CNTN5: variants seen among roughly 807,000 people sequenced by gnomAD.
The protein encoded by CNTN5 is contactin-5.
In CNTN5, 77 loss-of-function variants were observed where a neutral mutation model predicts 129.1. That is an observed-to-expected ratio of 0.60 (90% CI 0.50 to 0.72). The LOEUF (loss-of-function observed/expected upper bound fraction) is 0.72, where lower values mean the gene tolerates loss of function less well. Among genes scored for constraint, CNTN5 ranks in the 30% least tolerant of loss-of-function variants. The probability of loss-of-function intolerance (pLI) is 0.00; values close to 1 mark genes in which losing one functional copy is unlikely to be tolerated. For missense variants in CNTN5, 1,478 were observed against 1,328.8 expected (o/e 1.11, Z -1.75); for synonymous variants, 509 against 465.6 (o/e 1.09, Z -1.20).
At chr11:100,005,198 T>A (rs531612039) in intron 9 of CNTN5, among the ~76,000 whole-genome samples, 2 of 152,176 alleles carry the variant, frequency 1.3e-5, no homozygotes, top group Non-Finnish European at 2.9e-5. Context: ...TTCCATCTAC[T>A]TAATCCAATC....
intron 13 of CNTN5, among the ~76,000 whole-genome samples, chr11:100,149,078 T>C (rs909632765): frequency 6.6e-6 from 1 of 152,144 alleles, no homozygotes; most frequent in Non-Finnish European, 1.5e-5. Context: ...GTTAATAGAT[T>C]TTAGGAAGAT....
At chr11:99,220,641 A>T (rs1010864383) in intron 1 of CNTN5, among the ~76,000 whole-genome samples, 1 of 151,996 alleles carries the variant, frequency 6.6e-6, no homozygotes, top group Non-Finnish European at 1.5e-5. Flanking sequence ...TTTCCAGCTG[A>T]CACCAAAAGA....
chr11:99,983,145 A>G (rs952973488), intron 8 of CNTN5, among the ~76,000 whole-genome samples: 1 of 152,230 alleles, frequency 6.6e-6, no homozygotes, highest in Admixed American at 6.5e-5. Context: ...ATGTACTAAG[A>G]TAATGATTTG....
At chr11:99,044,291 C>T (rs921176499) in intron 1 of CNTN5, among the ~76,000 whole-genome samples, 1 of 152,072 alleles carries the variant, frequency 6.6e-6, no homozygotes, top group Non-Finnish European at 1.5e-5. Context: ...TGGTAACTAT[C>T]CCTTTATAAG....
chr11:100,235,534 G>A (rs1184320934), intron 16 of CNTN5, among the ~76,000 whole-genome samples: 2 of 152,008 alleles, frequency 1.3e-5, no homozygotes, highest in Non-Finnish European at 2.9e-5. Flanking sequence ...TGTAGAGCAG[G>A]GCCAAAGCAG....
At chr11:99,071,401 G>A (rs1307115183) in intron 1 of CNTN5, among the ~76,000 whole-genome samples, 1 of 151,892 alleles carries the variant, frequency 6.6e-6, no homozygotes, top group Non-Finnish European at 1.5e-5. Context: ...AATGTCAAAA[G>A]AGTCCACAAA....
chr11:100,350,949 G>T, intron 24 of CNTN5, 79 bp downstream of exon 24: 1 of 1,094,006 alleles, frequency 9.1e-7, no homozygotes. Flanking sequence ...AAATTGATGT[G>T]ATAGATTTCA....
intron 3 of CNTN5, among the ~76,000 whole-genome samples, chr11:99,694,078 T>A (rs1954154072): frequency 6.6e-6 from 1 of 151,840 alleles, no homozygotes; most frequent in South Asian, 2.1e-4. Flanking sequence ...CCATAAGTAC[T>A]TTGATGTTGT....
intron 2 of CNTN5, among the ~76,000 whole-genome samples, chr11:99,508,870 G>A (rs1354706693): frequency 1.3e-5 from 2 of 151,846 alleles, no homozygotes; most frequent in Non-Finnish European, 2.9e-5. Context: ...TAGTAGAGAC[G>A]GGGTTTCACC....
chr11:99,627,150 G>T (rs577470456), intron 3 of CNTN5, among the ~76,000 whole-genome samples: 77 of 152,130 alleles, frequency 5.1e-4, no homozygotes, highest in African/African-American at 1.8e-3. Flanking sequence ...AGCGAAAATT[G>T]TTGGTGCCCA....
rs397936738 is a variant in CNTN5 at position 99,727,312 on chromosome 11, CAAA to C, written c.56-92212_56-92210del. ...TGGGCGACAGAGCGAGACTCCGTCT[CAAA>C]AAAAAAAAAAAAAAAAAAATTCCAG... On this transcript the variant is annotated intron_variant, in intron 3 of 24. Coordinates refer to ENST00000524871, the MANE Select transcript of CNTN5 (RefSeq NM_014361.4). Among the ~76,000 whole-genome samples the C allele has an allele frequency of 1.9e-3, 46 of 24,298 alleles. 2 individuals carry two copies. The highest frequency in any genetic ancestry group is 6.5e-3 in the African/African-American group (42 of 6,430). The allele number at this position is 24,298 out of a possible 152,430, so 15.9% of individuals were successfully genotyped here. A position where few individuals can be genotyped will look rare whatever the true frequency, so the allele number is the denominator to read the frequency against.
intron 15 of CNTN5, among the ~76,000 whole-genome samples, chr11:100,203,752 T>C (rs745441204): frequency 3.9e-4 from 58 of 148,640 alleles, no homozygotes; most frequent in Non-Finnish European, 7.1e-4. Flanking sequence ...AAGCCGATTT[T>C]ATCATACTGC....
At chr11:99,505,903 C>G (rs1225870623) in intron 2 of CNTN5, among the ~76,000 whole-genome samples, 1 of 152,198 alleles carries the variant, frequency 6.6e-6, no homozygotes, top group African/African-American at 2.4e-5. Flanking sequence ...TGACACTCTT[C>G]AGGCCAAGGG....
At chr11:99,235,290 G>A (rs970401979) in intron 1 of CNTN5, among the ~76,000 whole-genome samples, 13 of 151,942 alleles carry the variant, frequency 8.6e-5, no homozygotes, top group African/African-American at 3.1e-4. Flanking sequence ...ATAAGGATAT[G>A]TCTTTATTTG....
chr11:99,968,500 C>T (rs1951155900), intron 8 of CNTN5, among the ~76,000 whole-genome samples: 1 of 151,876 alleles, frequency 6.6e-6, no homozygotes, highest in South Asian at 2.1e-4. Flanking sequence ...GGTAATTTGT[C>T]TGAGACAAAG....
At chr11:99,997,092 A>G (rs1939499950) in intron 8 of CNTN5, among the ~76,000 whole-genome samples, 2 of 152,200 alleles carry the variant, frequency 1.3e-5, no homozygotes, top group African/African-American at 4.8e-5. Context: ...AGTCCAGTTT[A>G]TCATTTTTGA....
intron 3 of CNTN5, among the ~76,000 whole-genome samples, chr11:99,778,331 T>A (rs985867675): frequency 1.3e-5 from 2 of 151,848 alleles, no homozygotes; most frequent in African/African-American, 4.8e-5. Flanking sequence ...TAGGTGTAGG[T>A]CTATGACATC....
intron 8 of CNTN5, among the ~76,000 whole-genome samples, chr11:99,960,032 G>T (rs1019494614): frequency 6.6e-6 from 1 of 151,996 alleles, no homozygotes; most frequent in Non-Finnish European, 1.5e-5. Context: ...TAAATCTCAC[G>T]CTGGAGAGCC....
chr11:100,042,260 GA>G (rs918043038), intron 9 of CNTN5, among the ~76,000 whole-genome samples: 10 of 147,612 alleles, frequency 6.8e-5, no homozygotes, highest in South Asian at 4.3e-4. Context: ...ATCATAAAAG[GA>G]AAAAAAAAGC....
Sources: allele counts gnomAD v4.1 joint callset (sites outside exome capture counted in the v4.1 genomes callset), GRCh38; gene constraint gnomAD v4.1.1; transcripts MANE v1.5; gene names NCBI Gene and HGNC (gene_info 2026-07-23, HGNC 2026-07-21).